Variants in EXD3 observed in about 807,000 individuals in gnomAD.
The protein encoded by EXD3 is exonuclease 3'-5' domain containing 3.
In EXD3, 92 loss-of-function variants were observed where a neutral mutation model predicts 98.0. That is an observed-to-expected ratio of 0.94 (90% CI 0.79 to 1.12). EXD3 has a LOEUF of 1.12. Among genes scored for constraint, EXD3 ranks in the 50% most tolerant of loss-of-function variants. The pLI is 0.00. For synonymous variants in EXD3, 569 were observed against 526.0 expected (o/e 1.08, Z -1.12); for missense variants, 1,222 against 1,191.6 (o/e 1.03, Z -0.38).
At chr9:137,356,231 C>T (rs1458244858) in intron 8 of EXD3, 37 bp downstream of exon 8, 1 of 1,505,296 alleles carries the variant, frequency 6.6e-7, no homozygotes, top group Non-Finnish European at 9.0e-7. Flanking sequence ...GCGGCTCTCC[C>T]TGGCCTGTGG....
chr9:137,308,629 T>A (rs1285179499), intron 20 of EXD3, among the ~76,000 whole-genome samples: 1 of 149,404 alleles, frequency 6.7e-6, no homozygotes, highest in Admixed American at 6.7e-5. Flanking sequence ...GAACTTGGAC[T>A]GACCCTTTTT....
At chr9:137,307,413 T>A in intron 21 of EXD3, 150 bp from the exon 22 acceptor site, 1 of 1,312,146 alleles carries the variant, frequency 7.6e-7, no homozygotes, top group East Asian at 2.5e-5. Context: ...TGACTCTGCG[T>A]CCTCCACTTC....
chr9:137,417,230 G>A (rs1253936197), intron 1 of EXD3, among the ~76,000 whole-genome samples: 2 of 152,186 alleles, frequency 1.3e-5, no homozygotes, highest in East Asian at 3.9e-4. Context: ...ACGCGGCCAC[G>A]GACTCACGCG....
chr9:137,374,496 C>T (rs1051570306), intron 3 of EXD3: 19 of 931,414 alleles, frequency 2.0e-5, no homozygotes, highest in Admixed American at 6.2e-5. Context: ...CTGAGGCTGC[C>T]GCGCAGCTTT....
At chr9:137,307,707 C>G (rs561923215) in intron 20 of EXD3, 61 bp from the exon 21 acceptor site, 14 of 1,585,128 alleles carry the variant, frequency 8.8e-6, no homozygotes, top group Non-Finnish European at 1.2e-5. Flanking sequence ...TGGCAGCCAG[C>G]GGGGTCCATG....
intron 14 of EXD3, among the ~76,000 whole-genome samples, chr9:137,350,079 C>T (rs529852553): frequency 2.6e-4 from 9 of 34,680 alleles, no homozygotes; most frequent in Admixed American, 1.5e-3. Flanking sequence ...GTGGGGATCA[C>T]GAGGAGGGGC....
At chr9:137,332,568 GC>G (rs1833128412) in intron 17 of EXD3, among the ~76,000 whole-genome samples, 2 of 149,050 alleles carry the variant, frequency 1.3e-5, no homozygotes, top group African/African-American at 2.5e-5. Context: ...TATTGGCCAG[GC>G]GCAGTGGCTC....
rs965511498 is a variant in EXD3, at chr9:137,349,928, G to A, written c.1495-397C>T. Among the ~76,000 whole-genome samples the A allele has an allele frequency of 4.6e-5, 7 of 151,954 alleles. No homozygotes were observed. The highest frequency in any genetic ancestry group is 2.1e-4 in the South Asian group (1 of 4,818). ...GACAAAATGCAGCGAAACCACCCCCGGGGGGCTCTAGTGCTCATGCTAGGG... is the reference window on the plus strand; with the variant it reads ...GACAAAATGCAGCGAAACCACCCCCAGGGGGCTCTAGTGCTCATGCTAGGG... On this transcript the variant is annotated intron_variant, in intron 14 of 21. Coordinates refer to ENST00000340951, the MANE Select transcript of EXD3 (RefSeq NM_017820.5). This position sits in a 1 kb window ranked among gnomAD's most constrained non-coding sequence, Gnocchi z 7.4.
At chr9:137,409,250 C>G (rs190527170) in intron 1 of EXD3, among the ~76,000 whole-genome samples, 1 of 152,194 alleles carries the variant, frequency 6.6e-6, no homozygotes, top group African/African-American at 2.4e-5. Flanking sequence ...TGCCCCGAGC[C>G]GCCTCAGGAC....
At chr9:137,320,923 CAA>C (rs1218456163) in intron 19 of EXD3, among the ~76,000 whole-genome samples, 1 of 152,244 alleles carries the variant, frequency 6.6e-6, no homozygotes, top group South Asian at 2.1e-4. Flanking sequence ...TGAGCACAGA[CAA>C]AGAGAGGCAG....
chr9:137,399,090 C>G (rs568239946), intron 1 of EXD3, among the ~76,000 whole-genome samples: 1 of 152,264 alleles, frequency 6.6e-6, no homozygotes, highest in Non-Finnish European at 1.5e-5. Flanking sequence ...CCATGACACA[C>G]GCACACTGCA....
intron 8 of EXD3, 148 bp from the exon 9 acceptor site, chr9:137,354,921 C>A (rs531755459): frequency 2.4e-5 from 19 of 775,928 alleles, no homozygotes; most frequent in Non-Finnish European, 3.6e-5. Context: ...CTCCTCACCA[C>A]CTGGGCCTCT....
intron 1 of EXD3, among the ~76,000 whole-genome samples, chr9:137,419,956 G>T (rs532463746): frequency 6.6e-6 from 1 of 152,066 alleles, no homozygotes; most frequent in Admixed American, 6.5e-5. Context: ...TCAGGAGATC[G>T]AGACCATCCT....
rs1376132432 is a variant in EXD3 at position 137,307,271 on chromosome 9, GA to G, written c.2318-9del. On this transcript the variant is annotated splice_polypyrimidine_tract_variant and intron_variant, in intron 21 of 21. Coordinates refer to ENST00000340951, the MANE Select transcript of EXD3 (RefSeq NM_017820.5). ...CTGCGTCTGGGGCTGGGCCTGGACA[GA>G]TAGAAGTGGACTCCCTGAGCCCTCA... is the stretch of plus-strand genomic sequence containing the variant. 6.7e-7 allele frequency: 1 copy of G among 1,492,756 alleles called. No homozygotes were observed. The highest frequency in any genetic ancestry group is 2.4e-5 in the East Asian group (1 of 41,438). The allele number at this position is 1,492,756 out of a possible 1,614,324, so 92.5% of individuals were successfully genotyped here. A position where few individuals can be genotyped will look rare whatever the true frequency, so the allele number is the denominator to read the frequency against.
rs2131766833 is a variant in EXD3 at position 137,395,099 on chromosome 9, A to T, written c.55+204T>A. Among the ~76,000 whole-genome samples the T allele has an allele frequency of 6.6e-6, 1 of 151,566 alleles. No homozygotes were observed. Among genetic ancestry groups the T allele is most frequent in the Admixed American group, 6.6e-5 (1 of 15,242 alleles). On this transcript the variant is annotated intron_variant, in intron 2 of 21. Transcript: ENST00000340951. The surrounding 1 kb of genome is among the most constrained non-coding windows in gnomAD (Gnocchi z 6.5). The stretch of plus-strand genomic sequence containing the variant: ...GGGCCCAAGGAGGCGGCCTGTCCTG[A>T]CCCCCGAGGACAACAAGGCCACAGT...
At chr9:137,331,870 G>A (rs118080351) in intron 17 of EXD3, among the ~76,000 whole-genome samples, 3,171 of 152,000 alleles carry the variant, frequency 0.021, 54 homozygotes, top group South Asian at 0.048. Context: ...GAGCCGAGAG[G>A]GCGCCACTGC....
At position 137,390,804 on chromosome 9, in the gene EXD3, G is replaced by A. The variant is rs1017539340; in HGVS notation, c.55+4499C>T. Among the ~76,000 whole-genome samples, 13 of 152,326 alleles carry A rather than the reference G, an allele frequency of 8.5e-5. No homozygotes were observed. The East Asian group carries it at 2.3e-3, about 27-fold the overall frequency. The stretch of plus-strand genomic sequence containing the variant: ...CACTGCCAGCTGGGCCTGGGCAGGC[G>A]CCGGGCCAGGCCAGCTCAGCCTCCT... On this transcript the variant is annotated intron_variant, in intron 2 of 21. Coordinates refer to ENST00000340951, the MANE Select transcript of EXD3 (RefSeq NM_017820.5).
chr9:137,398,484 G>C (rs1481202879), intron 1 of EXD3, among the ~76,000 whole-genome samples: 3 of 152,146 alleles, frequency 2.0e-5, no homozygotes, highest in African/African-American at 7.2e-5. Flanking sequence ...CCCTTTGCTT[G>C]TCTGAGAACG....
intron 3 of EXD3, among the ~76,000 whole-genome samples, chr9:137,379,226 T>G (rs112993118): frequency 0.013 from 17 of 1,294 alleles, no homozygotes; most frequent in Admixed American, 0.037. Flanking sequence ...TGGGTGACGG[T>G]GACCGTTGCC....
Sources: allele counts gnomAD v4.1 joint callset (sites outside exome capture counted in the v4.1 genomes callset), GRCh38; gene constraint gnomAD v4.1.1; non-coding constraint Gnocchi (gnomAD v3.1); transcripts MANE v1.5; gene names NCBI Gene and HGNC (gene_info 2026-07-23, HGNC 2026-07-21).